Variants in WDR70 observed in about 807,000 individuals in gnomAD.
WDR70 encodes WD repeat domain 70.
WDR70 carries 53 observed loss-of-function variants against 88.6 expected under a neutral mutation model. That is an observed-to-expected ratio of 0.60 (90% confidence interval 0.48 to 0.75). WDR70 has a LOEUF of 0.75. WDR70 is among the 30% of genes least tolerant of loss of function. WDR70 has a pLI of 0.00. For synonymous variants in WDR70, 280 were observed against 270.0 expected (o/e 1.04, Z -0.36); for missense variants, 610 against 823.2 (o/e 0.74, Z 3.17).
intron 8 of WDR70, among the ~76,000 whole-genome samples, chr5:37,511,950 G>A (rs765275838): frequency 6.6e-6 from 1 of 152,214 alleles, no homozygotes; most frequent in Non-Finnish European, 1.5e-5. Flanking sequence ...CTGAGAATAT[G>A]TACTAGGTTC....
chr5:37,584,211 T>G (rs1282430099), intron 9 of WDR70, among the ~76,000 whole-genome samples: 1 of 152,270 alleles, frequency 6.6e-6, no homozygotes, highest in Non-Finnish European at 1.5e-5. Context: ...CTTCATTATG[T>G]GTACTTAAAT....
At chr5:37,562,900 C>T (rs553235493) in intron 9 of WDR70, among the ~76,000 whole-genome samples, 2 of 151,654 alleles carry the variant, frequency 1.3e-5, no homozygotes, top group East Asian at 2.0e-4. Flanking sequence ...CCCCACCTTT[C>T]CCCCCTTTCT....
chr5:37,462,834 A>C (rs1739047608), intron 7 of WDR70, among the ~76,000 whole-genome samples: 1 of 152,000 alleles, frequency 6.6e-6, no homozygotes, highest in Non-Finnish European at 1.5e-5. Context: ...ACCCAATTTT[A>C]TAAAAAGTAT....
At chr5:37,448,337 A>G (rs1319291083) in intron 7 of WDR70, among the ~76,000 whole-genome samples, 1 of 152,164 alleles carries the variant, frequency 6.6e-6, no homozygotes, top group Non-Finnish European at 1.5e-5. Context: ...TCCTGGAATC[A>G]GTACTTCCCC....
intron 9 of WDR70, among the ~76,000 whole-genome samples, chr5:37,574,218 A>G (rs1742991200): frequency 1.3e-5 from 2 of 152,166 alleles, no homozygotes; most frequent in African/African-American, 4.8e-5. Context: ...TGGCCAGGTC[A>G]TACTACCCAC....
chr5:37,692,348 T>A (rs1746823622), intron 10 of WDR70, among the ~76,000 whole-genome samples: 1 of 152,078 alleles, frequency 6.6e-6, no homozygotes, highest in Admixed American at 6.6e-5. Flanking sequence ...AAAGAGGGAA[T>A]CCTCCCTAAC....
At chr5:37,688,177 C>T (rs1352257504) in intron 10 of WDR70, among the ~76,000 whole-genome samples, 1 of 152,094 alleles carries the variant, frequency 6.6e-6, no homozygotes, top group Non-Finnish European at 1.5e-5. Flanking sequence ...TTTGCCTTTT[C>T]CCTAAGGGTC....
At chr5:37,584,378 C>T (rs535875488) in intron 9 of WDR70, among the ~76,000 whole-genome samples, 1 of 152,112 alleles carries the variant, frequency 6.6e-6, no homozygotes, top group South Asian at 2.1e-4. Context: ...TTAGAGATAT[C>T]GAAAAGGTTC....
chr5:37,700,759 C>G (rs1373474637), intron 11 of WDR70, among the ~76,000 whole-genome samples: 2 of 152,232 alleles, frequency 1.3e-5, no homozygotes, highest in Non-Finnish European at 2.9e-5. Context: ...AGGGTTCCTT[C>G]TAGCTTGCAG....
At chr5:37,723,694 T>G (rs897103971) in intron 15 of WDR70, 1 of 152,222 alleles carries the variant, frequency 6.6e-6, no homozygotes, top group Admixed American at 6.5e-5. Context: ...TGAGACCAAG[T>G]CCCTTGGAGC....
At chr5:37,552,432 ACCAGT>A (rs1204023481) in intron 9 of WDR70, among the ~76,000 whole-genome samples, 6 of 152,240 alleles carry the variant, frequency 3.9e-5, no homozygotes. Flanking sequence ...TTAAAGAAAT[ACCAGT>A]TATCTATGTT....
At chr5:37,414,599 CTGT>C (rs1749635516) in intron 5 of WDR70, among the ~76,000 whole-genome samples, 4 of 138,390 alleles carry the variant, frequency 2.9e-5, no homozygotes, top group African/African-American at 1.2e-4. Flanking sequence ...TGAGGACAGT[CTGT>C]TTTTTTTTTT....
intron 8 of WDR70, among the ~76,000 whole-genome samples, chr5:37,487,615 ATATATATATG>A (rs1485372915): frequency 2.7e-3 from 116 of 42,278 alleles, no homozygotes; most frequent in East Asian, 7.3e-3. Context: ...ATATATATAT[ATATATATATG>A]TATTTTTTTT....
At chr5:37,627,848 G>C (rs558518394) in intron 10 of WDR70, among the ~76,000 whole-genome samples, 147 of 152,272 alleles carry the variant, frequency 9.7e-4, no homozygotes, top group Middle Eastern at 6.8e-3. Flanking sequence ...CATATGGTCA[G>C]TCCTGGAGAG....
intron 13 of WDR70, among the ~76,000 whole-genome samples, chr5:37,705,626 G>C (rs562063523): frequency 6.6e-6 from 1 of 151,640 alleles, no homozygotes; most frequent in African/African-American, 2.4e-5. Flanking sequence ...CAAGTTTTAC[G>C]TCTTCTTGGA....
chr5:37,521,120 A>C (rs145779122), intron 9 of WDR70, among the ~76,000 whole-genome samples: 7 of 152,364 alleles, frequency 4.6e-5, no homozygotes, highest in South Asian at 2.1e-4. Flanking sequence ...CTTTGTTCTC[A>C]AAACTGTTGG....
chr5:37,714,404 T>C lies in WDR70; in HGVS notation c.1417-6711T>C, dbSNP rs527391919. 2.6e-5 allele frequency among the ~76,000 whole-genome samples: 4 copies of C among 152,302 alleles called. No homozygotes were observed. The South Asian group carries it at 8.3e-4, about 32-fold the overall frequency. On this transcript the variant is annotated intron_variant, in intron 13 of 17. Transcript: ENST00000265107. ...ACCAGGTGGAGTTGGGTTTACACTG[T>C]GGGTCTTAAATGAAGAGAAATAGCC...
intron 10 of WDR70, among the ~76,000 whole-genome samples, chr5:37,682,076 G>A (rs1040492197): frequency 1.3e-5 from 2 of 152,082 alleles, no homozygotes; most frequent in African/African-American, 4.8e-5. Context: ...GGTTTGTCTG[G>A]TAGGCTATTT....
intron 9 of WDR70, among the ~76,000 whole-genome samples, chr5:37,603,310 A>G (rs1743941992): frequency 1.3e-5 from 2 of 152,240 alleles, no homozygotes; most frequent in South Asian, 4.1e-4. Context: ...TAGTCCAGAA[A>G]TAAACCCAGG....
Sources: allele counts gnomAD v4.1 joint callset (sites outside exome capture counted in the v4.1 genomes callset), GRCh38; gene constraint gnomAD v4.1.1; transcripts MANE v1.5; gene names NCBI Gene and HGNC (gene_info 2026-07-23, HGNC 2026-07-21).